Variants in MCM5 observed in about 807,000 individuals in gnomAD.
MCM5 encodes DNA replication licensing factor MCM5.
In MCM5, 46 loss-of-function variants were observed where a neutral mutation model predicts 79.9. The observed-to-expected ratio is 0.58, with a 90% CI of 0.45 to 0.74. MCM5 has a LOEUF of 0.74. Ranked by LOEUF, MCM5 falls within the 30% of genes least tolerant of loss-of-function variation. The probability of loss-of-function intolerance (pLI) is 0.00; values close to 1 mark genes in which losing one functional copy is unlikely to be tolerated. For missense variants in MCM5, 883 were observed against 1,017.0 expected, an observed-to-expected ratio of 0.87 and a Z score of 1.79; for synonymous variants, 404 against 390.5, an observed-to-expected ratio of 1.03 and a Z score of -0.41.
intron 7 of MCM5, among the ~76,000 whole-genome samples, chr22:35,412,272 T>C (rs1932404617): frequency 6.6e-6 from 1 of 152,210 alleles, no homozygotes; most frequent in Non-Finnish European, 1.5e-5. Flanking sequence ...TCTGGCCCTC[T>C]GTTTGCTCAG....
At chr22:35,439,140 C>G in the MCM5 span, among the ~76,000 whole-genome samples, 2 of 151,236 alleles carry the variant, frequency 1.3e-5, no homozygotes, top group Non-Finnish European at 1.5e-5. Context: ...TCCATCCACT[C>G]ACATATTCAT....
intron 6 of MCM5, 123 bp from the exon 7 acceptor site, chr22:35,410,621 T>G: frequency 3.3e-6 from 3 of 896,608 alleles, no homozygotes; most frequent in Non-Finnish European, 3.8e-6. Flanking sequence ...CAGCTCAGCA[T>G]GTGGTGCCTG....
chr22:35,400,414 GT>G lies in MCM5; in HGVS notation c.-8-14del. 2.5e-6 allele frequency: 4 copies of G among 1,613,896 alleles called. No individual in the cohort carries two copies. In the South Asian group the frequency reaches 4.4e-5, roughly 18 times the overall value. ...GCGCTGCCCCCAGCCTGTTCTGGCCGTTTGTTCCCACCCCAGGCGCAGTCAT... is the reference window on the plus strand; with the variant it reads ...GCGCTGCCCCCAGCCTGTTCTGGCCGTTGTTCCCACCCCAGGCGCAGTCAT... On this transcript the variant is annotated splice_polypyrimidine_tract_variant and intron_variant, in intron 1 of 16. Coordinates refer to ENST00000216122, the MANE Select transcript of MCM5 (RefSeq NM_006739.4).
chr22:35,430,566 G>T, the MCM5 span, among the ~76,000 whole-genome samples: 2 of 150,108 alleles, frequency 1.3e-5, no homozygotes, highest in Admixed American at 6.7e-5. Flanking sequence ...GCAGTGGTGC[G>T]ACCTCAGCTC....
chr22:35,405,849 A>C (rs1016355581), intron 4 of MCM5, among the ~76,000 whole-genome samples: 2 of 151,878 alleles, frequency 1.3e-5, no homozygotes, highest in Non-Finnish European at 2.9e-5. Context: ...GTCTCTACTA[A>C]AAATACAAAA....
At chr22:35,403,930 AAAAAACAAAAC>A in intron 4 of MCM5, among the ~76,000 whole-genome samples, 1 of 124,086 alleles carries the variant, frequency 8.1e-6, no homozygotes. Context: ...CTGGCTCTCC[AAAAAACAAAAC>A]AAAAAAAAAA....
At chr22:35,406,296 A>ACCCCCCCCCCCCC (rs758388958) in intron 4 of MCM5, among the ~76,000 whole-genome samples, 1 of 120,918 alleles carries the variant, frequency 8.3e-6, no homozygotes, top group Non-Finnish European at 1.7e-5. Context: ...TTGCCCTGCC[A>ACCCCCCCCCCCCC]CCTCCCCCCC....
At chr22:35,414,077 G>C in intron 9 of MCM5, 91 bp downstream of exon 9, 1 of 783,044 alleles carries the variant, frequency 1.3e-6, no homozygotes, top group Non-Finnish European at 2.2e-6. Context: ...CCTGTGGTGG[G>C]CTGGCTCACC....
chr22:35,451,509 C>CT, the MCM5 span, among the ~76,000 whole-genome samples: 1 of 152,366 alleles, frequency 6.6e-6, no homozygotes, highest in African/African-American at 2.4e-5. Context: ...CCAGAGTTCT[C>CT]TGACTCATGA....
the MCM5 span, among the ~76,000 whole-genome samples, chr22:35,434,583 A>G: frequency 2.0e-5 from 3 of 152,352 alleles, no homozygotes; most frequent in Admixed American, 6.5e-5. Flanking sequence ...CAGGCGGGAA[A>G]GGGCCTATCT....
At chr22:35,443,793 G>A in the MCM5 span, among the ~76,000 whole-genome samples, 456 of 152,262 alleles carry the variant, frequency 3.0e-3, 4 homozygotes, top group South Asian at 0.038. Context: ...TCTGCCTCCC[G>A]CACTGCATGT....
the MCM5 span, among the ~76,000 whole-genome samples, chr22:35,444,498 C>G: frequency 1.3e-5 from 2 of 152,102 alleles, no homozygotes. Context: ...TGGATCCCTC[C>G]TGGGCTGTCG....
chr22:35,414,898 G>A (rs959418245), intron 9 of MCM5, among the ~76,000 whole-genome samples: 8 of 152,198 alleles, frequency 5.3e-5, no homozygotes, highest in African/African-American at 1.9e-4. Context: ...GGGGATCAGA[G>A]CCAGAGAAGG....
intron 4 of MCM5, among the ~76,000 whole-genome samples, chr22:35,405,960 G>A (rs1326776100): frequency 1.3e-5 from 2 of 151,180 alleles, no homozygotes; most frequent in Admixed American, 6.6e-5. Context: ...GCAGTAAGCC[G>A]AGATCCTGCC....
At chr22:35,445,535 A>C in the MCM5 span, among the ~76,000 whole-genome samples, 1 of 141,076 alleles carries the variant, frequency 7.1e-6, no homozygotes, top group African/African-American at 2.7e-5. Context: ...TTTGAGATGG[A>C]GTTTCACTCT....
At chr22:35,417,879 C>G (rs368759160) in intron 13 of MCM5, 23 bp downstream of exon 13, 2 of 1,580,828 alleles carry the variant, frequency 1.3e-6, no homozygotes, top group South Asian at 2.2e-5. Flanking sequence ...CGCAGGCCCA[C>G]GGGGGTGAGG....
chr22:35,416,665 C>A lies in MCM5; in HGVS notation c.1441C>A (p.Arg481Ser). The A allele has an allele frequency of 6.2e-7, 1 of 1,614,068 alleles. No homozygotes were observed. The highest frequency in any genetic ancestry group is 1.3e-5 in the African/African-American group (1 of 75,022). The change falls in exon 12 of 17, where the codon CGC becomes AGC. Residue 481 changes from arginine to serine, a missense_variant. By Grantham distance (110) the Arg-to-Ser change is moderately radical. Around this residue, in one of 3 missense-constraint regions of MCM5, gnomAD observed 426 missense variants for 482.3 expected, o/e 0.88. Coordinates refer to ENST00000216122, the MANE Select transcript of MCM5 (RefSeq NM_006739.4). ...TGGGATCACCACCACCCTGAACTCC[C>A]GCTGCTCCGTCCTGGCTGCTGCCAA... ...KAGITTTLNS[R>S]CSVLAAANSV...
the MCM5 span, among the ~76,000 whole-genome samples, chr22:35,452,263 A>G: frequency 3.0e-4 from 45 of 149,892 alleles, no homozygotes; most frequent in Admixed American, 9.9e-4. Flanking sequence ...TGCCTGGATC[A>G]CTCCACCCCT....
chr22:35,406,844 C>A, intron 5 of MCM5, 119 bp downstream of exon 5: 2 of 1,073,976 alleles, frequency 1.9e-6, no homozygotes, highest in Non-Finnish European at 2.7e-6. Flanking sequence ...ATGGGCTGGG[C>A]AGGGGTGTGC....
Sources: allele counts gnomAD v4.1 joint callset (sites outside exome capture counted in the v4.1 genomes callset), GRCh38; gene constraint gnomAD v4.1.1; regional missense constraint gnomAD v4.1.1; transcripts MANE v1.5; gene names NCBI Gene and HGNC (gene_info 2026-07-23, HGNC 2026-07-21).